AFF1: variants seen among roughly 807,000 people sequenced by gnomAD.
AFF1 encodes the protein ALF transcription elongation factor 1.
Under a neutral mutation model 121.7 loss-of-function variants are expected in AFF1, and 48 were observed. The ratio of observed to expected loss-of-function variants is 0.39; its 90% CI spans 0.31 to 0.50. The LOEUF is 0.50. AFF1 is among the 20% of genes least tolerant of loss of function. AFF1 has a pLI of 0.76. For missense variants in AFF1, 1,523 were observed against 1,511.7 expected (o/e 1.01, Z -0.12); for synonymous variants, 613 against 563.0 (o/e 1.09, Z -1.26).
chr4:86,996,105 G>A (rs1369277626), intron 2 of AFF1, among the ~76,000 whole-genome samples: 2 of 151,576 alleles, frequency 1.3e-5, no homozygotes, highest in African/African-American at 4.8e-5. Context: ...GGAGGTGGGG[G>A]GGTCAGGCCC....
At chr4:87,019,493 G>A (rs997244452) in intron 2 of AFF1, among the ~76,000 whole-genome samples, 4 of 152,234 alleles carry the variant, frequency 2.6e-5, no homozygotes, top group Non-Finnish European at 5.9e-5. Flanking sequence ...ACTGAAGGGT[G>A]TTGGTTGATT....
chr4:87,108,170 C>T lies in AFF1; in HGVS notation c.1388C>T (p.Ser463Phe). Residue 463 changes from serine to phenylalanine, a missense_variant, in exon 11 of 21, where the codon TCC becomes TTC. This residue lies in a region of AFF1 where 905 missense variants were observed against 842.5 expected (regional missense o/e 1.07). Transcript: ENST00000395146. ...TGGTTGCTTTGCAGTGCTCCACAGT[C>T]CCTTCCAGAACCAGTGGCATCAGCA... The part of the protein sequence containing the change: ...SSSAPPSAPQ[S>F]LPEPVASAHS... The T allele has an allele frequency of 6.2e-7, 1 of 1,613,964 alleles. No individual in the cohort carries two copies. Among genetic ancestry groups the T allele is most frequent in the Non-Finnish European group, 8.5e-7 (1 of 1,179,942 alleles).
intron 2 of AFF1, among the ~76,000 whole-genome samples, chr4:87,037,468 C>A (rs987261889): frequency 2.6e-5 from 4 of 152,118 alleles, no homozygotes; most frequent in African/African-American, 9.7e-5. Context: ...CACACCACCA[C>A]ACCCGGCCAA....
intron 16 of AFF1, 34 bp downstream of exon 16, chr4:87,127,737 GT>G (rs1472059912): frequency 3.7e-6 from 6 of 1,608,362 alleles, no homozygotes; most frequent in Non-Finnish European, 5.1e-6. Flanking sequence ...TTGGTAGAAT[GT>G]TTTCTGATAG....
intron 2 of AFF1, among the ~76,000 whole-genome samples, chr4:87,008,913 A>G (rs1052624807): frequency 6.6e-6 from 1 of 152,202 alleles, no homozygotes; most frequent in Non-Finnish European, 1.5e-5. Context: ...TGTATTTAAA[A>G]ACATTTTTCT....
intron 2 of AFF1, among the ~76,000 whole-genome samples, chr4:86,999,068 CCCTGTTTCCCTTT>C (rs1179664391): frequency 7.9e-5 from 12 of 152,230 alleles, no homozygotes; most frequent in Non-Finnish European, 1.6e-4. Flanking sequence ...TCTTTCTCTT[CCCTGTTTCCCTTT>C]CCTTTTGAAA....
intron 11 of AFF1, among the ~76,000 whole-genome samples, chr4:87,109,266 A>G (rs1453263548): frequency 6.6e-6 from 1 of 152,234 alleles, no homozygotes; most frequent in East Asian, 1.9e-4. Flanking sequence ...CCAATGGGGC[A>G]TTAACTGAAT....
intron 7 of AFF1, among the ~76,000 whole-genome samples, chr4:87,093,443 G>A (rs1401968566): frequency 6.6e-6 from 1 of 152,198 alleles, no homozygotes; most frequent in African/African-American, 2.4e-5. Flanking sequence ...TGCCCAGCAA[G>A]TCAACTCTGA....
chr4:86,964,163 C>T (rs1427497147), intron 2 of AFF1, among the ~76,000 whole-genome samples: 20 of 145,030 alleles, frequency 1.4e-4, no homozygotes, highest in African/African-American at 5.1e-4. Flanking sequence ...CTCGCCCCGT[C>T]ACCAGGCTAG....
rs544013794 is a variant in AFF1 at position 87,117,490 on chromosome 4, C to G, written c.2466+2191C>G. Among the ~76,000 whole-genome samples, 5 of 152,290 alleles carry G rather than the reference C, an allele frequency of 3.3e-5. No homozygotes were observed. In the South Asian group the frequency reaches 1.0e-3, roughly 32 times the overall value. On this transcript the variant is annotated intron_variant, in intron 12 of 20. Transcript: ENST00000395146. Reference sequence around the variant, plus strand: ...GCACTGATGACGGGAATCCCCAACCCCCATTGGTATTTTAAAAATTCCTCT... The same window carrying G: ...GCACTGATGACGGGAATCCCCAACCGCCATTGGTATTTTAAAAATTCCTCT...
At chr4:87,013,032 C>CTTTTTTTTTGTTTTTTTTTTTT (rs1391718271) in intron 2 of AFF1, among the ~76,000 whole-genome samples, 1 of 93,514 alleles carries the variant, frequency 1.1e-5, no homozygotes, top group African/African-American at 4.3e-5. Flanking sequence ...CTATCAAGTT[C>CTTTTTTTTTGTTTTTTTTTTTT]TTTTTTTTTT....
intron 8 of AFF1, among the ~76,000 whole-genome samples, chr4:87,100,589 T>C (rs761031178): frequency 4.3e-4 from 65 of 152,310 alleles, no homozygotes; most frequent in Admixed American, 3.3e-3. Flanking sequence ...AGAAATGGTG[T>C]ATTTTAGTTG....
At chr4:87,077,527 A>C in intron 4 of AFF1, among the ~76,000 whole-genome samples, 1 of 152,168 alleles carries the variant, frequency 6.6e-6, no homozygotes, top group South Asian at 2.1e-4. Flanking sequence ...TCAGAATTTA[A>C]AAGGTTAAAA....
At chr4:87,062,262 G>A (rs1720858726) in intron 4 of AFF1, among the ~76,000 whole-genome samples, 1 of 152,214 alleles carries the variant, frequency 6.6e-6, no homozygotes, top group South Asian at 2.1e-4. Context: ...TTGAGTGTCT[G>A]ATAAGGACTT....
chr4:87,109,808 A>C (rs1726280633), intron 11 of AFF1, among the ~76,000 whole-genome samples: 1 of 152,238 alleles, frequency 6.6e-6, no homozygotes, highest in African/African-American at 2.4e-5. Context: ...ACCTCTGTAA[A>C]ATAAATGGTC....
At chr4:87,129,898 C>T (rs1417658430) in intron 16 of AFF1, among the ~76,000 whole-genome samples, 1 of 152,138 alleles carries the variant, frequency 6.6e-6, no homozygotes, top group Non-Finnish European at 1.5e-5. Flanking sequence ...ACAGCCCATA[C>T]CGCTCTCATT....
At chr4:87,052,232 G>A (rs577223616) in intron 4 of AFF1, among the ~76,000 whole-genome samples, 1 of 152,210 alleles carries the variant, frequency 6.6e-6, no homozygotes, top group African/African-American at 2.4e-5. Flanking sequence ...GGGCAACATA[G>A]TGAGATGTTT....
intron 2 of AFF1, among the ~76,000 whole-genome samples, chr4:86,973,570 T>C (rs1275571079): frequency 6.6e-6 from 1 of 152,164 alleles, no homozygotes. Flanking sequence ...TAGCAACTTG[T>C]CTTTTTCCTT....
intron 5 of AFF1, among the ~76,000 whole-genome samples, chr4:87,084,818 A>G (rs947759814): frequency 2.6e-5 from 4 of 152,186 alleles, no homozygotes; most frequent in South Asian, 2.1e-4. Flanking sequence ...CTGGTTGTCC[A>G]TAAAGGCCCA....
Sources: allele counts gnomAD v4.1 joint callset (sites outside exome capture counted in the v4.1 genomes callset), GRCh38; gene constraint gnomAD v4.1.1; regional missense constraint gnomAD v4.1.1; transcripts MANE v1.5; gene names NCBI Gene and HGNC (gene_info 2026-07-23, HGNC 2026-07-21).